The following CTNNA3 variants were observed in gnomAD, a reference collection of about 807,000 sequenced individuals.
The protein encoded by CTNNA3 is catenin alpha-3.
Under a neutral mutation model 95.7 loss-of-function variants are expected in CTNNA3, and 76 were observed. That is an observed-to-expected ratio of 0.79 (90% confidence interval 0.66 to 0.96). The LOEUF (loss-of-function observed/expected upper bound fraction) is 0.96, where lower values mean the gene tolerates loss of function less well. CTNNA3 is among the 40% of genes least tolerant of loss of function. The pLI, the probability that CTNNA3 is intolerant of heterozygous loss-of-function variation, is 0.00. For missense variants in CTNNA3, 1,191 were observed against 1,089.8 expected, an observed-to-expected ratio of 1.09 and a Z score of -1.31; for synonymous variants, 431 against 374.4, an observed-to-expected ratio of 1.15 and a Z score of -1.74.
chr10:67,441,161 C>A (rs563773414), intron 5 of CTNNA3, among the ~76,000 whole-genome samples: 28 of 151,284 alleles, frequency 1.9e-4, no homozygotes, highest in Non-Finnish European at 2.8e-4. Flanking sequence ...AATTGACAAA[C>A]TGAATAATGC....
intron 3 of CTNNA3, among the ~76,000 whole-genome samples, chr10:67,579,801 C>G (rs1842315115): frequency 6.6e-6 from 1 of 152,102 alleles, no homozygotes; most frequent in East Asian, 1.9e-4. Flanking sequence ...TCTCTGATGG[C>G]CAGTGATGAT....
intron 11 of CTNNA3, among the ~76,000 whole-genome samples, chr10:66,425,174 CAA>C (rs571009156): frequency 2.8e-4 from 42 of 151,942 alleles, no homozygotes; most frequent in Non-Finnish European, 5.4e-4. Flanking sequence ...TATTTTGACA[CAA>C]GTTTTAGTAT....
At chr10:67,178,951 T>A (rs1052109535) in intron 7 of CTNNA3, among the ~76,000 whole-genome samples, 1 of 152,064 alleles carries the variant, frequency 6.6e-6, no homozygotes, top group African/African-American at 2.4e-5. Context: ...ATTAAAGAAA[T>A]CTACCTTACA....
intron 10 of CTNNA3, among the ~76,000 whole-genome samples, chr10:66,608,150 A>G (rs547634287): frequency 2.6e-5 from 4 of 152,286 alleles, no homozygotes; most frequent in Non-Finnish European, 5.9e-5. Flanking sequence ...CCATACATCA[A>G]CAACAGTCAA....
chr10:67,035,647 C>T (rs958897546), intron 7 of CTNNA3, among the ~76,000 whole-genome samples: 29 of 152,062 alleles, frequency 1.9e-4, no homozygotes, highest in East Asian at 1.9e-4. Context: ...CCAAGAAATG[C>T]TATCAGTTCA....
chr10:67,067,801 G>T (rs934995307), intron 7 of CTNNA3, among the ~76,000 whole-genome samples: 2 of 152,124 alleles, frequency 1.3e-5, no homozygotes, highest in African/African-American at 4.8e-5. Context: ...CTATGTGCTG[G>T]ATACAACAGG....
At chr10:66,438,133 G>A (rs1008680161) in intron 11 of CTNNA3, among the ~76,000 whole-genome samples, 4 of 152,134 alleles carry the variant, frequency 2.6e-5, no homozygotes, top group African/African-American at 9.7e-5. Context: ...GATGTCTGTT[G>A]ACCCCTGCTG....
intron 5 of CTNNA3, among the ~76,000 whole-genome samples, chr10:67,389,443 C>T (rs1844354150): frequency 6.6e-6 from 1 of 151,894 alleles, no homozygotes; most frequent in Non-Finnish European, 1.5e-5. Context: ...GAGACTTAGA[C>T]TCCCACACAT....
intron 13 of CTNNA3, among the ~76,000 whole-genome samples, chr10:66,266,530 G>A (rs2091163547): frequency 1.3e-5 from 2 of 151,946 alleles, no homozygotes; most frequent in South Asian, 4.1e-4. Context: ...AATTACTTCT[G>A]TCAATTTAAC....
chr10:66,041,726 T>C (rs1387545341), intron 15 of CTNNA3, among the ~76,000 whole-genome samples: 1 of 152,130 alleles, frequency 6.6e-6, no homozygotes, highest in Non-Finnish European at 1.5e-5. Flanking sequence ...TTTGTTCCTT[T>C]TTTTTTCTAA....
chr10:67,529,638 A>G (rs1176695340), intron 4 of CTNNA3, among the ~76,000 whole-genome samples: 3 of 151,570 alleles, frequency 2.0e-5, no homozygotes, highest in Non-Finnish European at 4.4e-5. Context: ...AACTTAAAGT[A>G]TAATAATAAT....
In CTNNA3 at chr10:66,408,043, C is replaced by A. The variant is rs1589209820; in HGVS notation, c.1532-28691G>T. 9.9e-5 allele frequency among the ~76,000 whole-genome samples: 15 copies of A among 152,230 alleles called. No individual in the cohort carries two copies. In the South Asian group the frequency reaches 2.9e-3, roughly 29 times the overall value. On this transcript the variant is annotated intron_variant, in intron 11 of 17. Transcript: ENST00000433211. ...CTGGTGTAAAATGGCATAGTATTTG[C>A]AAATAACCTACGTGCATCCTCACAT...
intron 5 of CTNNA3, among the ~76,000 whole-genome samples, chr10:67,438,084 G>A (rs902835586): frequency 6.6e-6 from 1 of 152,052 alleles, no homozygotes; most frequent in Non-Finnish European, 1.5e-5. Flanking sequence ...ATGGCTTGGA[G>A]GAAAATAAAT....
At chr10:66,243,231 T>C (rs1436480094) in intron 13 of CTNNA3, among the ~76,000 whole-genome samples, 2 of 152,234 alleles carry the variant, frequency 1.3e-5, no homozygotes, top group Admixed American at 1.3e-4. Context: ...CCCTGAAATA[T>C]ATTTCTTCGA....
At chr10:66,032,448 A>G (rs564551184) in intron 15 of CTNNA3, among the ~76,000 whole-genome samples, 1 of 152,348 alleles carries the variant, frequency 6.6e-6, no homozygotes, top group African/African-American at 2.4e-5. Flanking sequence ...GAAAGCAAGC[A>G]TGACAGATTT....
At chr10:66,083,687 T>A (rs1318084661) in intron 14 of CTNNA3, among the ~76,000 whole-genome samples, 1 of 152,166 alleles carries the variant, frequency 6.6e-6, no homozygotes, top group Non-Finnish European at 1.5e-5. Flanking sequence ...CTATGTATTG[T>A]GGAAACCATC....
intron 12 of CTNNA3, among the ~76,000 whole-genome samples, chr10:66,290,670 AC>A (rs1417690992): frequency 1.3e-5 from 2 of 152,280 alleles, no homozygotes; most frequent in African/African-American, 4.8e-5. Flanking sequence ...GAGTTAAAGT[AC>A]TAGAGTTTTG....
At chr10:66,178,407 A>G (rs1179343136) in intron 13 of CTNNA3, among the ~76,000 whole-genome samples, 4 of 26,978 alleles carry the variant, frequency 1.5e-4, no homozygotes, top group Non-Finnish European at 2.4e-4. Flanking sequence ...GTGTATATAT[A>G]TATATATATA....
intron 3 of CTNNA3, among the ~76,000 whole-genome samples, chr10:67,558,783 CT>C (rs1193587795): frequency 6.6e-6 from 1 of 152,246 alleles, no homozygotes; most frequent in Non-Finnish European, 1.5e-5. Context: ...CACTCCCACC[CT>C]AATACTGCGC....
Sources: gnomAD v4.1 joint callset for allele counts (sites outside exome capture counted in the v4.1 genomes callset) on GRCh38, gnomAD v4.1.1 for gene constraint, MANE v1.5 for transcripts, NCBI Gene and HGNC (gene_info 2026-07-23, HGNC 2026-07-21) for gene names.